CDS1: variants seen among roughly 807,000 people sequenced by gnomAD.
CDS1 encodes phosphatidate cytidylyltransferase 1.
Under a neutral mutation model 62.1 loss-of-function variants are expected in CDS1, and 41 were observed. The observed-to-expected ratio is 0.66, with a 90% CI of 0.51 to 0.86. The LOEUF (loss-of-function observed/expected upper bound fraction) is 0.86. CDS1 is among the 40% of genes least tolerant of loss of function. The probability of loss-of-function intolerance (pLI) is 0.00; values close to 1 mark genes in which losing one functional copy is unlikely to be tolerated. For synonymous variants in CDS1, 185 were observed against 192.6 expected (o/e 0.96, Z 0.32); for missense variants, 470 against 550.1 (o/e 0.85, Z 1.46).
chr4:84,638,921 T>C lies in CDS1; in HGVS notation c.811-3T>C, dbSNP rs773618386. 1.5e-5 allele frequency: 22 copies of C among 1,507,096 alleles called. No individual in the cohort carries two copies. The highest frequency in any genetic ancestry group is 1.8e-4 in the Middle Eastern group (1 of 5,460). The allele number at this position is 1,507,096 out of a possible 1,614,324, so 93.4% of individuals were successfully genotyped here. A position where few individuals can be genotyped will look rare whatever the true frequency, so the allele number is the denominator to read the frequency against. Reference sequence around the variant, plus strand: ...CTTTTTAATTTTATTTGCCCTTTTTTAGTTGTCTCCTAAAAAGACTTGGGA... The same window carrying C: ...CTTTTTAATTTTATTTGCCCTTTTTCAGTTGTCTCCTAAAAAGACTTGGGA... On this transcript the variant is annotated splice_polypyrimidine_tract_variant and splice_region_variant and intron_variant, in intron 8 of 12. Transcript: ENST00000295887.
At chr4:84,628,307 C>CTTTGTT (rs1433208152) in intron 5 of CDS1, among the ~76,000 whole-genome samples, 3 of 152,038 alleles carry the variant, frequency 2.0e-5, no homozygotes, top group Admixed American at 1.3e-4. Context: ...TTTATTTTTT[C>CTTTGTT]TTTGTTTTTG....
intron 8 of CDS1, 27 bp downstream of exon 8, chr4:84,635,378 C>A: frequency 1.9e-6 from 2 of 1,042,298 alleles, no homozygotes; most frequent in Non-Finnish European, 3.0e-6. Flanking sequence ...ATAAGCAAGC[C>A]ACTATGTAAC....
At position 84,648,728 on chromosome 4, in the gene CDS1, A is replaced by C; in HGVS notation, c.*42A>C. Reference sequence around the variant, plus strand: ...AAGGACTGACAAGAAGGAATTATTCAGAAAAACACTGACAGATGTTTTATA... The same window carrying C: ...AAGGACTGACAAGAAGGAATTATTCCGAAAAACACTGACAGATGTTTTATA... On this transcript the variant is annotated 3_prime_UTR_variant, in exon 13 of 13. Coordinates refer to ENST00000295887, the MANE Select transcript of CDS1 (RefSeq NM_001263.4). 3.8e-6 allele frequency: 6 copies of C among 1,562,852 alleles called. No homozygotes were observed. Among genetic ancestry groups the C allele is most frequent in the Non-Finnish European group, 5.2e-6 (6 of 1,151,988 alleles).
chr4:84,638,853 A>G, intron 8 of CDS1, 71 bp from the exon 9 acceptor site: 1 of 370,832 alleles, frequency 2.7e-6, no homozygotes, highest in Non-Finnish European at 4.7e-6. Flanking sequence ...TAGTTTATAT[A>G]TATATATATA....
At chr4:84,611,295 TG>T (rs1418042868) in intron 3 of CDS1, among the ~76,000 whole-genome samples, 4 of 152,248 alleles carry the variant, frequency 2.6e-5, no homozygotes, top group Admixed American at 2.6e-4. Context: ...CGGGGTGCCC[TG>T]TGGCCTTCTT....
chr4:84,610,213 AG>A (rs1723275215), intron 3 of CDS1, among the ~76,000 whole-genome samples: 1 of 152,158 alleles, frequency 6.6e-6, no homozygotes, highest in Non-Finnish European at 1.5e-5. Context: ...ATCCAGTCTG[AG>A]GGAGGGATGA....
chr4:84,603,924 C>T (rs1395749929), intron 1 of CDS1, among the ~76,000 whole-genome samples: 2 of 152,184 alleles, frequency 1.3e-5, no homozygotes, highest in African/African-American at 4.8e-5. Context: ...CTACATGGAA[C>T]TAACACCGTG....
chr4:84,590,084 T>G (rs935020408), intron 1 of CDS1, among the ~76,000 whole-genome samples: 1 of 152,200 alleles, frequency 6.6e-6, no homozygotes, highest in Non-Finnish European at 1.5e-5. Context: ...GTGCTGGGAT[T>G]ACAGGCATGA....
At chr4:84,645,356 G>T in intron 12 of CDS1, 31 bp downstream of exon 12, 1 of 1,304,658 alleles carries the variant, frequency 7.7e-7, no homozygotes, top group South Asian at 1.2e-5. Context: ...TTTTTTAGAT[G>T]ATTTCTTTGA....
chr4:84,647,765 C>T (rs949041181), intron 12 of CDS1, among the ~76,000 whole-genome samples: 3 of 152,234 alleles, frequency 2.0e-5, no homozygotes, highest in African/African-American at 7.2e-5. Context: ...TCTGCTCATC[C>T]TCATTGTGGT....
At chr4:84,610,196 G>C (rs1055380614) in intron 3 of CDS1, among the ~76,000 whole-genome samples, 6 of 152,164 alleles carry the variant, frequency 3.9e-5, no homozygotes, top group African/African-American at 1.4e-4. Context: ...TGGTAGAAAA[G>C]CACCTAATCC....
intron 7 of CDS1, 110 bp downstream of exon 7, chr4:84,634,049 C>A: frequency 2.0e-6 from 1 of 511,506 alleles, no homozygotes; most frequent in South Asian, 5.1e-5. Flanking sequence ...GTTTGTTGTT[C>A]TTATATTCCA....
chr4:84,609,077 G>A (rs1723226584), intron 2 of CDS1, among the ~76,000 whole-genome samples: 1 of 151,326 alleles, frequency 6.6e-6, no homozygotes, highest in Admixed American at 6.6e-5. Context: ...TACTCGGGAG[G>A]CTGAGGCAGG....
chr4:84,612,978 G>C (rs1329712592), intron 3 of CDS1, among the ~76,000 whole-genome samples: 1 of 135,914 alleles, frequency 7.4e-6, no homozygotes, highest in African/African-American at 2.8e-5. Context: ...GACAGAGTGA[G>C]ATCCTGTCTC....
intron 4 of CDS1, among the ~76,000 whole-genome samples, chr4:84,618,289 A>G (rs1723563975): frequency 6.6e-6 from 1 of 152,194 alleles, no homozygotes; most frequent in South Asian, 2.1e-4. Context: ...GGGGTTTAGA[A>G]TAGTCAAAAA....
chr4:84,589,912 G>A (rs1337324225), intron 1 of CDS1, among the ~76,000 whole-genome samples: 3 of 152,144 alleles, frequency 2.0e-5, no homozygotes, highest in African/African-American at 4.8e-5. Flanking sequence ...CCGGGTTCAC[G>A]CCATTCTTCT....
intron 1 of CDS1, among the ~76,000 whole-genome samples, chr4:84,603,709 C>G (rs1237217676): frequency 3.3e-5 from 5 of 152,138 alleles, no homozygotes; most frequent in African/African-American, 1.2e-4. Context: ...TGCTGTTGAT[C>G]ATAGTTTACC....
chr4:84,589,018 A>T (rs1466524865), intron 1 of CDS1, among the ~76,000 whole-genome samples: 1 of 152,210 alleles, frequency 6.6e-6, no homozygotes, highest in Non-Finnish European at 1.5e-5. Context: ...GACCATGGGC[A>T]GCTTGAAGGT....
chr4:84,600,964 T>A (rs1722916569), intron 1 of CDS1, among the ~76,000 whole-genome samples: 1 of 151,126 alleles, frequency 6.6e-6, no homozygotes, highest in South Asian at 2.1e-4. Context: ...AGCCCAGGAG[T>A]TCAAGACCAG....
Sources: allele counts gnomAD v4.1 joint callset (sites outside exome capture counted in the v4.1 genomes callset), GRCh38; gene constraint gnomAD v4.1.1; transcripts MANE v1.5; gene names NCBI Gene and HGNC (gene_info 2026-07-23, HGNC 2026-07-21).